Variants in ACTR3C observed in about 807,000 individuals in gnomAD.
ACTR3C encodes actin-related protein 3C.
In ACTR3C, 18 loss-of-function variants were observed where a neutral mutation model predicts 26.3. The ratio of observed to expected loss-of-function variants is 0.68; its 90% CI spans 0.47 to 1.01. ACTR3C has a LOEUF of 1.01. ACTR3C is among the 50% of genes least tolerant of loss of function. ACTR3C has a pLI of 0.00. For missense variants in ACTR3C, 184 were observed against 250.7 expected (o/e 0.73, Z 1.80); for synonymous variants, 55 against 94.5 (o/e 0.58, Z 2.42).
chr7:150,043,803 A>G, the ACTR3C span, among the ~76,000 whole-genome samples: 1 of 152,132 alleles, frequency 6.6e-6, no homozygotes, highest in Non-Finnish European at 1.5e-5. Flanking sequence ...ACAGAAGAAA[A>G]GTAATAGAGT....
chr7:150,243,711 A>C (rs189031182), downstream of ACTR3C, among the ~76,000 whole-genome samples: 10 of 152,296 alleles, frequency 6.6e-5, no homozygotes, highest in African/African-American at 1.7e-4. Context: ...TATATAATAC[A>C]ATGTAAATGC....
At chr7:150,037,469 C>T in the ACTR3C span, among the ~76,000 whole-genome samples, 6 of 55,170 alleles carry the variant, frequency 1.1e-4, no homozygotes, top group African/African-American at 3.4e-4. Context: ...GCCTCCCCCC[C>T]CTGCGATGGG....
chr7:150,137,018 A>T, the ACTR3C span, among the ~76,000 whole-genome samples: 1 of 152,176 alleles, frequency 6.6e-6, no homozygotes, highest in Non-Finnish European at 1.5e-5. Context: ...GCAGTTCACA[A>T]TAGGGTTCCC....
chr7:150,256,226 A>G (rs1440738305), intron 6 of ACTR3C, among the ~76,000 whole-genome samples: 1 of 152,242 alleles, frequency 6.6e-6, no homozygotes, highest in African/African-American at 2.4e-5. Flanking sequence ...TAGTTCTGCA[A>G]TGAACATATA....
At chr7:149,998,380 T>C in the ACTR3C span, among the ~76,000 whole-genome samples, 103 of 149,804 alleles carry the variant, frequency 6.9e-4, 4 homozygotes, top group African/African-American at 2.2e-3. Flanking sequence ...CTTTGATACC[T>C]GTATTCGTCC....
At chr7:150,317,091 T>C (rs866858662) in intron 1 of ACTR3C, among the ~76,000 whole-genome samples, 1 of 151,936 alleles carries the variant, frequency 6.6e-6, no homozygotes, top group African/African-American at 2.4e-5. Flanking sequence ...ATTTATTGAG[T>C]TTCCTTCTGT....
chr7:149,919,080 T>C, the ACTR3C span, among the ~76,000 whole-genome samples: 6 of 152,318 alleles, frequency 3.9e-5, no homozygotes, highest in South Asian at 2.1e-4. Context: ...GCACCCACAG[T>C]TAACTGGCAG....
At chr7:150,238,750 T>C in the ACTR3C span, among the ~76,000 whole-genome samples, 2 of 149,368 alleles carry the variant, frequency 1.3e-5, no homozygotes, top group African/African-American at 5.1e-5. Flanking sequence ...AAATAAACCA[T>C]GCAATTAGGA....
chr7:150,065,307 G>A, the ACTR3C span, among the ~76,000 whole-genome samples: 13 of 152,248 alleles, frequency 8.5e-5, no homozygotes, highest in East Asian at 1.9e-4. Context: ...ATTTACCATC[G>A]AAAACCAAAG....
At chr7:149,999,229 C>A in the ACTR3C span, among the ~76,000 whole-genome samples, 1 of 150,962 alleles carries the variant, frequency 6.6e-6, no homozygotes, top group Admixed American at 6.7e-5. Context: ...TAGTGATAAT[C>A]CTGTATTTTA....
chr7:150,055,157 A>G, the ACTR3C span, among the ~76,000 whole-genome samples: 1,846 of 152,358 alleles, frequency 0.012, 19 homozygotes, highest in African/African-American at 0.024. Context: ...CTGGACCAAC[A>G]GTGAAAGCAT....
At chr7:150,126,057 C>T in the ACTR3C span, among the ~76,000 whole-genome samples, 4 of 152,140 alleles carry the variant, frequency 2.6e-5, no homozygotes, top group Non-Finnish European at 2.9e-5. Flanking sequence ...GATGACACAG[C>T]GCTTGACTTC....
chr7:149,949,573 T>A, the ACTR3C span, among the ~76,000 whole-genome samples: 1 of 146,806 alleles, frequency 6.8e-6, no homozygotes, highest in South Asian at 2.1e-4. Context: ...AAAGAAAAGA[T>A]GGACGAGAGA....
chr7:150,194,922 C>T, the ACTR3C span, among the ~76,000 whole-genome samples: 6 of 151,804 alleles, frequency 4.0e-5, no homozygotes, highest in Admixed American at 3.3e-4. Flanking sequence ...GGTGAAACAC[C>T]ATCTGTATTA....
chr7:150,084,305 T>C, the ACTR3C span, among the ~76,000 whole-genome samples: 3 of 152,236 alleles, frequency 2.0e-5, no homozygotes, highest in African/African-American at 7.2e-5. Flanking sequence ...ATATAATGAC[T>C]TCCTAACTAC....
the ACTR3C span, among the ~76,000 whole-genome samples, chr7:150,079,035 T>G: frequency 0.19 from 28,213 of 151,940 alleles, 2,781 homozygotes; most frequent in South Asian, 0.25. Flanking sequence ...TGAGCCTTCA[T>G]CCCCACATAC....
chr7:149,987,348 T>C, the ACTR3C span, among the ~76,000 whole-genome samples: 17 of 150,650 alleles, frequency 1.1e-4, no homozygotes, highest in African/African-American at 3.9e-4. Context: ...GGTGGATCAC[T>C]TGAGGTCAGG....
At chr7:150,039,678 C>T in the ACTR3C span, among the ~76,000 whole-genome samples, 4,300 of 91,296 alleles carry the variant, frequency 0.047, 8 homozygotes, top group African/African-American at 0.076. Context: ...TTAGGATCAA[C>T]GATGGGGGGT....
chr7:149,980,293 T>C, the ACTR3C span, among the ~76,000 whole-genome samples: 1 of 152,244 alleles, frequency 6.6e-6, no homozygotes, highest in Non-Finnish European at 1.5e-5. Context: ...AAAGACCAAA[T>C]ACTTTAGGCT....
Sources: allele counts gnomAD v4.1 joint callset (sites outside exome capture counted in the v4.1 genomes callset), GRCh38; gene constraint gnomAD v4.1.1; transcripts MANE v1.5; gene names NCBI Gene and HGNC (gene_info 2026-07-23, HGNC 2026-07-21).